CBLB: variants seen among roughly 807,000 people sequenced by gnomAD.
CBLB encodes the protein Cbl proto-oncogene B.
In CBLB, 31 loss-of-function variants were observed where a neutral mutation model predicts 104.9. The ratio of observed to expected loss-of-function variants is 0.30; its 90% CI spans 0.22 to 0.40. The LOEUF is 0.40. Among genes scored for constraint, CBLB ranks in the 10% least tolerant of loss-of-function variants. The pLI is 1.00. For synonymous variants in CBLB, 440 were observed against 422.6 expected (o/e 1.04, Z -0.51); for missense variants, 1,062 against 1,214.6 (o/e 0.87, Z 1.87).
At chr3:105,682,607 A>G (rs941231042) in intron 14 of CBLB, among the ~76,000 whole-genome samples, 3 of 152,138 alleles carry the variant, frequency 2.0e-5, no homozygotes, top group African/African-American at 7.2e-5. Context: ...ACCAGGTTCA[A>G]GCAATTCCCA....
chr3:105,844,005 T>C (rs1317486436), intron 3 of CBLB, among the ~76,000 whole-genome samples: 1 of 152,180 alleles, frequency 6.6e-6, no homozygotes, highest in Non-Finnish European at 1.5e-5. Context: ...GCAGCTGTAA[T>C]GAAGTCAAGA....
rs184770378 is a variant in CBLB at position 105,822,358 on chromosome 3, A to G, written c.419+31056T>C. On this transcript the variant is annotated intron_variant, in intron 3 of 18. Coordinates refer to ENST00000394030, the MANE Select transcript of CBLB (RefSeq NM_170662.5). ...TAACACCTCTAAAAGCTCAGGTCCT[A>G]TTCTCAGGATGAGCATTCTAACAGG... Among the ~76,000 whole-genome samples, 29 of 152,304 alleles carry G rather than the reference A, an allele frequency of 1.9e-4. No homozygotes were observed. The East Asian group carries it at 5.2e-3, about 27-fold the overall frequency.
rs1462937464 is a variant in CBLB at position 105,658,166 on chromosome 3, T to C, written c.*804A>G. ...CACATCTGTAGTAGCTGCTTTCTAA[T>C]ATTGTAGATTTTTACAGTTGTGACA... On this transcript the variant is annotated 3_prime_UTR_variant, in exon 19 of 19. Transcript: ENST00000394030. The C allele has an allele frequency of 4.6e-6, 1 of 216,584 alleles. No homozygotes were observed. The highest frequency in any genetic ancestry group is 2.3e-5 in the African/African-American group (1 of 44,386). The allele number at this position is 216,584 out of a possible 1,614,324, so 13.4% of individuals were successfully genotyped here.
rs544298482 is a variant in CBLB, at chr3:105,823,588, T to C, written c.419+29826A>G. 3.8e-4 allele frequency among the ~76,000 whole-genome samples: 58 copies of C among 152,264 alleles called. No homozygotes were observed. In the South Asian group the frequency reaches 0.012, roughly 31 times the overall value. On this transcript the variant is annotated intron_variant, in intron 3 of 18. Coordinates refer to ENST00000394030, the MANE Select transcript of CBLB (RefSeq NM_170662.5). ...AAATCAATCATTCTATTCCAAATCC[T>C]CCTGACTGAGTCACCAGCACCCTTT...
chr3:105,813,923 T>C (rs1168294611), intron 3 of CBLB, among the ~76,000 whole-genome samples: 1 of 152,168 alleles, frequency 6.6e-6, no homozygotes, highest in East Asian at 1.9e-4. Flanking sequence ...AAACCTGTCA[T>C]ATATACTGCT....
chr3:105,716,806 G>A (rs1304017979), intron 10 of CBLB, among the ~76,000 whole-genome samples: 1 of 152,152 alleles, frequency 6.6e-6, no homozygotes, highest in Non-Finnish European at 1.5e-5. Context: ...TGCCAAATAA[G>A]CTACTGAAGT....
At position 105,737,278 on chromosome 3, in the gene CBLB, T is replaced by A. The variant is rs189592325; in HGVS notation, c.984-20A>T. On this transcript the variant is annotated intron_variant, in intron 7 of 18. Coordinates refer to ENST00000394030, the MANE Select transcript of CBLB (RefSeq NM_170662.5). ...AGATAACTGAATTTAAACAGAAACT[T>A]TATTACCTTAAATATACAAGTTTTA... 1.5e-4 allele frequency: 190 copies of A among 1,228,104 alleles called. No individual in the cohort carries two copies. In the African/African-American group the frequency reaches 2.4e-3, roughly 16 times the overall value. 76.1% of individuals were successfully genotyped at this position (1,228,104 alleles called of 1,614,324 possible).
chr3:105,805,293 T>C (rs2083362709), intron 3 of CBLB, among the ~76,000 whole-genome samples: 1 of 150,214 alleles, frequency 6.7e-6, no homozygotes, highest in African/African-American at 2.5e-5. Flanking sequence ...TCAAAACATA[T>C]GGCCCCCAAT....
intron 10 of CBLB, among the ~76,000 whole-genome samples, chr3:105,707,991 AAC>A (rs34245659): frequency 0.018 from 2,683 of 152,246 alleles, 71 homozygotes; most frequent in African/African-American, 0.061. Flanking sequence ...ATTCTAGAGT[AAC>A]AGACTTTTCC....
intron 10 of CBLB, among the ~76,000 whole-genome samples, chr3:105,710,881 T>C (rs911356945): frequency 6.6e-6 from 1 of 151,958 alleles, no homozygotes; most frequent in Non-Finnish European, 1.5e-5. Context: ...GAAATCCACA[T>C]GTTCAATCTT....
At chr3:105,784,653 C>T (rs2080742189) in intron 3 of CBLB, among the ~76,000 whole-genome samples, 1 of 152,200 alleles carries the variant, frequency 6.6e-6, no homozygotes, top group Admixed American at 6.5e-5. Context: ...ATTTTAAACA[C>T]ATGGCTCAAA....
chr3:105,722,892 T>C (rs2073085770), intron 9 of CBLB, among the ~76,000 whole-genome samples: 1 of 152,234 alleles, frequency 6.6e-6, no homozygotes, highest in Admixed American at 6.5e-5. Flanking sequence ...GAACATTTAA[T>C]GTTATACAAA....
chr3:105,735,376 A>T (rs1003477106), intron 8 of CBLB, among the ~76,000 whole-genome samples: 2 of 152,188 alleles, frequency 1.3e-5, no homozygotes, highest in African/African-American at 4.8e-5. Context: ...ATGTCCCTGA[A>T]ATAATAGATA....
At chr3:105,825,236 C>G (rs868185972) in intron 3 of CBLB, among the ~76,000 whole-genome samples, 15 of 152,238 alleles carry the variant, frequency 9.9e-5, no homozygotes, top group Middle Eastern at 3.4e-3. Context: ...GGTTCTTCAG[C>G]TAATGCCATA....
rs144788814 is a variant in CBLB at position 105,760,907 on chromosome 3, C to T, written c.567-9289G>A. On this transcript the variant is annotated intron_variant, in intron 4 of 18. Coordinates refer to ENST00000394030, the MANE Select transcript of CBLB (RefSeq NM_170662.5). The stretch of plus-strand genomic sequence containing the variant: ...CAAAAACAAATCTATACAAGAAAAA[C>T]AACTACTGCATTTCCTATTAATAAC... Among the ~76,000 whole-genome samples, 169 of 152,294 alleles carry T rather than the reference C, an allele frequency of 1.1e-3. 1 individual carries two copies. Among genetic ancestry groups the T allele is most frequent in the Admixed American group, 2.9e-3 (44 of 15,298 alleles).
chr3:105,741,108 T>TTTG (rs1221297372), intron 6 of CBLB, among the ~76,000 whole-genome samples: 19 of 147,792 alleles, frequency 1.3e-4, no homozygotes, highest in Non-Finnish European at 2.5e-4. Context: ...TTTTTTTTTT[T>TTTG]TTTTTTTTTG....
chr3:105,790,107 T>C (rs1178849590), intron 3 of CBLB, among the ~76,000 whole-genome samples: 1 of 152,208 alleles, frequency 6.6e-6, no homozygotes, highest in Non-Finnish European at 1.5e-5. Flanking sequence ...ATTATTTCTC[T>C]CTGAAGATAC....
intron 4 of CBLB, among the ~76,000 whole-genome samples, chr3:105,767,909 G>A (rs1172375951): frequency 6.6e-6 from 1 of 152,184 alleles, no homozygotes; most frequent in East Asian, 1.9e-4. Context: ...CAGATAATCT[G>A]GCTGCAGAGC....
At chr3:105,765,898 T>C (rs2078169173) in intron 4 of CBLB, among the ~76,000 whole-genome samples, 1 of 152,228 alleles carries the variant, frequency 6.6e-6, no homozygotes, top group African/African-American at 2.4e-5. Flanking sequence ...TCAAGTCTTA[T>C]TATTTAAGAA....
Sources: allele counts gnomAD v4.1 joint callset (sites outside exome capture counted in the v4.1 genomes callset), GRCh38; gene constraint gnomAD v4.1.1; transcripts MANE v1.5; gene names NCBI Gene and HGNC (gene_info 2026-07-23, HGNC 2026-07-21).